Variants in NAALADL2 observed in about 807,000 individuals in gnomAD.
The protein encoded by NAALADL2 is inactive N-acetylated-alpha-linked acidic dipeptidase-like protein 2.
In NAALADL2, 76 loss-of-function variants were observed where a neutral mutation model predicts 87.2. The ratio of observed to expected loss-of-function variants is 0.87; its 90% CI spans 0.72 to 1.05. NAALADL2 has a LOEUF of 1.05. NAALADL2 is among the 50% of genes least tolerant of loss of function. The pLI is 0.00. For missense variants in NAALADL2, 1,089 were observed against 945.8 expected (o/e 1.15, Z -1.99); for synonymous variants, 354 against 331.0 (o/e 1.07, Z -0.75).
chr3:175,299,999 G>T (rs1399975590), intron 4 of NAALADL2, among the ~76,000 whole-genome samples: 1 of 152,032 alleles, frequency 6.6e-6, no homozygotes, highest in Non-Finnish European at 1.5e-5. Flanking sequence ...AGGATGAAGG[G>T]GTGTTGAATT....
intron 8 of NAALADL2, among the ~76,000 whole-genome samples, chr3:175,468,918 G>A (rs905739497): frequency 2.0e-5 from 3 of 151,906 alleles, no homozygotes; most frequent in Admixed American, 2.0e-4. Context: ...TTTTTGTGGG[G>A]TCATTGTACC....
rs191196114 is a variant in NAALADL2 at position 174,982,954 on chromosome 3, C to T, written c.44-113836C>T. 6.5e-3 allele frequency among the ~76,000 whole-genome samples: 991 copies of T among 152,236 alleles called. 7 individuals are homozygous for T. The highest frequency in any genetic ancestry group is 0.02 in the Middle Eastern group (6 of 294). ...CTGGGACTACAGGTGCCCGCCACCA[C>T]GCCTGGCTAATTTTTTTGTATTTTT... On this transcript the variant is annotated intron_variant, in intron 1 of 13. Coordinates refer to ENST00000454872, the MANE Select transcript of NAALADL2 (RefSeq NM_207015.3).
In NAALADL2 at chr3:174,680,541, C is replaced by T. The variant is rs148780173; in HGVS notation, c.-114-57100C>T. Among the ~76,000 whole-genome samples, 437 of 152,284 alleles carry T rather than the reference C, an allele frequency of 2.9e-3. 2 individuals carry two copies. The highest frequency in any genetic ancestry group is 0.017 in the Middle Eastern group (5 of 294). On this transcript the variant is annotated intron_variant, in intron 2 of 3. Transcript: ENST00000434257. ...CTGAAAACAAAAATTCCAAAAGGAACTCTTGATTTTATCCAAAGAATTATA... is the reference window on the plus strand; with the variant it reads ...CTGAAAACAAAAATTCCAAAAGGAATTCTTGATTTTATCCAAAGAATTATA...
At chr3:175,490,689 C>T (rs57262539) in intron 9 of NAALADL2, among the ~76,000 whole-genome samples, 10,659 of 151,942 alleles carry the variant, frequency 0.07, 449 homozygotes, top group South Asian at 0.15. Context: ...GCCACCGCGC[C>T]GGACCATAAG....
chr3:175,012,842 A>T (rs1750027610), intron 1 of NAALADL2, among the ~76,000 whole-genome samples: 1 of 151,562 alleles, frequency 6.6e-6, no homozygotes, highest in Non-Finnish European at 1.5e-5. Flanking sequence ...AATATAAGAA[A>T]ATCGGTTTTC....
chr3:174,863,965 G>A (rs1214011131), intron 1 of NAALADL2: 3 of 434,810 alleles, frequency 6.9e-6, no homozygotes, highest in Non-Finnish European at 1.4e-5. Flanking sequence ...TAGATATTGA[G>A]GTAACAGGAC....
intron 3 of NAALADL2, among the ~76,000 whole-genome samples, chr3:174,813,142 T>C (rs1720403612): frequency 6.6e-6 from 1 of 152,188 alleles, no homozygotes; most frequent in African/African-American, 2.4e-5. Context: ...ATGTTATGTG[T>C]CCTATACAGG....
chr3:174,822,556 TG>T (rs2109336728), intron 3 of NAALADL2, among the ~76,000 whole-genome samples: 1 of 152,220 alleles, frequency 6.6e-6, no homozygotes, highest in Admixed American at 6.5e-5. Flanking sequence ...TAACTGGACT[TG>T]GGAACAAGGG....
chr3:174,539,538 T>G (rs1412199472), intron 1 of NAALADL2, among the ~76,000 whole-genome samples: 1 of 152,192 alleles, frequency 6.6e-6, no homozygotes, highest in Non-Finnish European at 1.5e-5. Flanking sequence ...ACTTATGACC[T>G]GCCTTTCTGG....
chr3:175,742,307 T>A (rs983100887), intron 12 of NAALADL2, among the ~76,000 whole-genome samples: 1 of 152,210 alleles, frequency 6.6e-6, no homozygotes, highest in Non-Finnish European at 1.5e-5. Flanking sequence ...TTTGGCTTAG[T>A]GATTTGAAGG....
At chr3:175,658,381 C>A (rs114105724) in intron 11 of NAALADL2, among the ~76,000 whole-genome samples, 1 of 152,088 alleles carries the variant, frequency 6.6e-6, no homozygotes, top group Non-Finnish European at 1.5e-5. Flanking sequence ...GGAATATTAT[C>A]TGATAAATTT....
rs1754516809 is a variant in NAALADL2, at chr3:175,804,366, T to C, written c.*1163T>C. 6.6e-6 allele frequency: 1 copy of C among 151,566 alleles called. No individual in the cohort carries two copies. Among genetic ancestry groups the C allele is most frequent in the Non-Finnish European group, 1.5e-5 (1 of 67,770 alleles). The allele number at this position is 151,566 out of a possible 1,614,324, so 9.4% of individuals were successfully genotyped here. A position where few individuals can be genotyped will look rare whatever the true frequency, so the allele number is the denominator to read the frequency against. ...TGCAGTGTTACTGTAAGAGAGTGTC[T>C]CGTCTACACTTCAGTTCTTCTCTCA... On this transcript the variant is annotated 3_prime_UTR_variant, in exon 14 of 14. Transcript: ENST00000454872.
At chr3:174,520,225 G>A (rs1424731318) in intron 1 of NAALADL2, among the ~76,000 whole-genome samples, 1 of 152,068 alleles carries the variant, frequency 6.6e-6, no homozygotes, top group Non-Finnish European at 1.5e-5. Context: ...CCTAAAGTTC[G>A]TATGGAATCA....
intron 1 of NAALADL2, among the ~76,000 whole-genome samples, chr3:175,087,075 C>T (rs1034518335): frequency 1.3e-5 from 2 of 152,020 alleles, no homozygotes; most frequent in African/African-American, 4.8e-5. Flanking sequence ...AAATAAAAAC[C>T]TATCCTTGTT....
chr3:175,056,246 A>C (rs1055085482), intron 1 of NAALADL2, among the ~76,000 whole-genome samples: 7 of 152,232 alleles, frequency 4.6e-5, no homozygotes, highest in African/African-American at 1.7e-4. Context: ...CTGGCAAACA[A>C]ACCTGCTCTG....
chr3:175,796,627 C>G (rs565779253), intron 13 of NAALADL2, among the ~76,000 whole-genome samples: 3 of 152,292 alleles, frequency 2.0e-5, no homozygotes, highest in Non-Finnish European at 4.4e-5. Flanking sequence ...CTATGGAGTA[C>G]AGTTAGTATA....
chr3:175,360,532 A>G (rs1581574720), intron 5 of NAALADL2, among the ~76,000 whole-genome samples: 1 of 152,160 alleles, frequency 6.6e-6, no homozygotes, highest in Non-Finnish European at 1.5e-5. Flanking sequence ...ATTCTCCAGT[A>G]ACTTCTCAGA....
At chr3:175,508,199 A>G (rs972040269) in intron 9 of NAALADL2, among the ~76,000 whole-genome samples, 2 of 152,210 alleles carry the variant, frequency 1.3e-5, no homozygotes, top group Admixed American at 6.5e-5. Flanking sequence ...TTCATGAGGG[A>G]TCTGCCGCCA....
intron 2 of NAALADL2, among the ~76,000 whole-genome samples, chr3:174,625,057 C>CTCTCTTTTTTTTTTTTTTTTT: frequency 1.3e-5 from 1 of 78,846 alleles, no homozygotes; most frequent in African/African-American, 5.0e-5. Flanking sequence ...CTCTCTCTCT[C>CTCTCTTTTTTTTTTTTTTTTT]TTTTTTTTTT....
Sources: gnomAD v4.1 joint callset for allele counts (sites outside exome capture counted in the v4.1 genomes callset) on GRCh38, gnomAD v4.1.1 for gene constraint, MANE v1.5 for transcripts, NCBI Gene and HGNC (gene_info 2026-07-23, HGNC 2026-07-21) for gene names.